The following RPL39L variants were observed in gnomAD, a reference collection of about 807,000 sequenced individuals.
The protein encoded by RPL39L is ribosomal protein L39 like.
For synonymous variants in RPL39L, 16 were observed against 20.1 expected (o/e 0.80, Z 0.55); for missense variants, 48 against 58.9 (o/e 0.81, Z 0.61).
intron 1 of RPL39L, among the ~76,000 whole-genome samples, chr3:187,133,342 A>C (rs781351615): frequency 2.0e-5 from 3 of 152,080 alleles, no homozygotes; most frequent in African/African-American, 7.2e-5. Flanking sequence ...GGGAGTTCTC[A>C]TGAGATCTGA....
chr3:187,129,529 C>T (rs1486811841), intron 1 of RPL39L, among the ~76,000 whole-genome samples: 3 of 152,196 alleles, frequency 2.0e-5, no homozygotes, highest in South Asian at 2.1e-4. Flanking sequence ...GCACATAATT[C>T]GTTCTACAAA....
rs923592130 is a variant in RPL39L, at chr3:187,138,390, T to C, written c.-93+823A>G. Among the ~76,000 whole-genome samples the C allele has an allele frequency of 2.0e-5, 3 of 152,210 alleles. No individual in the cohort carries two copies. The South Asian group carries it at 6.2e-4, about 31-fold the overall frequency. On this transcript the variant is annotated intron_variant, in intron 1 of 2. Transcript: ENST00000296277. ...CCTGGTCAGGGTTTATGTCTCTGGA[T>C]GAATCCAGATGTGTAAAAGGCAAGG...
intron 2 of RPL39L, among the ~76,000 whole-genome samples, 179 bp from the exon 3 acceptor site, chr3:187,121,507 GTCT>G (rs1720309598): frequency 6.6e-6 from 1 of 152,204 alleles, no homozygotes; most frequent in Non-Finnish European, 1.5e-5. Context: ...GGTCTGAGGA[GTCT>G]GATGGCTGTT....
chr3:187,121,152 C>T lies in RPL39L; in HGVS notation c.149G>A (p.Gly50Asp), dbSNP rs143143583. 108 of 1,613,568 alleles carry T rather than the reference C, an allele frequency of 6.7e-5. No homozygotes were observed. In the African/African-American group the frequency reaches 1.3e-3, roughly 19 times the overall value. Residue 50 changes from glycine (G) to aspartate (D), a missense_variant, in exon 3 of 3, where the codon GGT becomes GAT. Transcript: ENST00000296277. ...KRRHWRRTKL[G>D]L ...CATCTCATGTGCAATTCCTTATAGA[C>T]CCAGCTTGGTTCTTCTCCAATGCCT... is the stretch of plus-strand genomic sequence containing the variant.
chr3:187,138,979 A>T (rs1016150751), intron 1 of RPL39L, among the ~76,000 whole-genome samples: 4 of 152,158 alleles, frequency 2.6e-5, no homozygotes, highest in Non-Finnish European at 5.9e-5. Flanking sequence ...GAATCGCTTG[A>T]ATCCGGAGGC....
intron 2 of RPL39L, among the ~76,000 whole-genome samples, chr3:187,124,139 T>C (rs1720358649): frequency 6.6e-6 from 1 of 152,170 alleles, no homozygotes; most frequent in Non-Finnish European, 1.5e-5. Context: ...ACATCTCAGG[T>C]GATTCAGAGG....
intron 1 of RPL39L, among the ~76,000 whole-genome samples, chr3:187,135,670 C>T (rs1250162809): frequency 2.0e-5 from 3 of 152,168 alleles, no homozygotes; most frequent in African/African-American, 4.8e-5. Context: ...AAAACACACT[C>T]GTGGGTGAGG....
chr3:187,131,880 T>C (rs915623534), intron 1 of RPL39L, among the ~76,000 whole-genome samples: 4 of 152,220 alleles, frequency 2.6e-5, no homozygotes, highest in African/African-American at 4.8e-5. Flanking sequence ...AGTTTTAAGA[T>C]TTCTGTGTTG....
At chr3:187,136,247 T>C (rs1182332933) in intron 1 of RPL39L, among the ~76,000 whole-genome samples, 1 of 152,230 alleles carries the variant, frequency 6.6e-6, no homozygotes, top group African/African-American at 2.4e-5. Flanking sequence ...CTTTTTAAAG[T>C]GGTGTGACTG....
intron 1 of RPL39L, among the ~76,000 whole-genome samples, chr3:187,129,014 C>T (rs753383000): frequency 1.3e-5 from 2 of 152,168 alleles, no homozygotes; most frequent in Non-Finnish European, 2.9e-5. Flanking sequence ...TCCACTGTTG[C>T]AAAATGACCA....
chr3:187,137,053 A>C (rs1720591860), intron 1 of RPL39L, among the ~76,000 whole-genome samples: 1 of 151,930 alleles, frequency 6.6e-6, no homozygotes, highest in Admixed American at 6.6e-5. Context: ...AAAAAAATTT[A>C]AAAATTAGCT....
chr3:187,126,896 G>T (rs1720407349), intron 2 of RPL39L, among the ~76,000 whole-genome samples: 2 of 152,192 alleles, frequency 1.3e-5, no homozygotes, highest in African/African-American at 4.8e-5. Context: ...TCAGAGTGAA[G>T]GTGAACAAGA....
At chr3:187,121,604 C>T (rs1720310868) in intron 2 of RPL39L, among the ~76,000 whole-genome samples, 1 of 152,154 alleles carries the variant, frequency 6.6e-6, no homozygotes, top group Admixed American at 6.5e-5. Context: ...CAACATACTT[C>T]TGCTTCTCTT....
chr3:187,123,678 C>A (rs1364742850), intron 2 of RPL39L, among the ~76,000 whole-genome samples: 2 of 152,174 alleles, frequency 1.3e-5, no homozygotes, highest in Non-Finnish European at 2.9e-5. Flanking sequence ...CCTTGGGAAC[C>A]CTGGTTGTAC....
At chr3:187,138,209 T>C (rs918388964) in intron 1 of RPL39L, among the ~76,000 whole-genome samples, 2 of 151,916 alleles carry the variant, frequency 1.3e-5, no homozygotes, top group Non-Finnish European at 1.5e-5. Context: ...CCAGGCCCAG[T>C]GCAAAATGAA....
chr3:187,129,185 T>C (rs919625157), intron 1 of RPL39L, among the ~76,000 whole-genome samples: 1 of 152,200 alleles, frequency 6.6e-6, no homozygotes, highest in Non-Finnish European at 1.5e-5. Flanking sequence ...ACACTGCAAT[T>C]TCAAGATAAT....
chr3:187,121,064 G>T lies in RPL39L; in HGVS notation c.*81C>A, dbSNP rs969090287. 2 of 1,489,532 alleles carry T rather than the reference G, an allele frequency of 1.3e-6. No homozygotes were observed. The highest frequency in any genetic ancestry group is 4.5e-5 in the East Asian group (2 of 44,274). 92.3% of individuals were successfully genotyped at this position (1,489,532 alleles called of 1,614,324 possible). On this transcript the variant is annotated 3_prime_UTR_variant, in exon 3 of 3. Transcript: ENST00000296277. ...AACATGTGCAACTGTCCAGGTAGTGGTGACATTTTCAGCTTGATATCGTAA... is the reference window on the plus strand; with the variant it reads ...AACATGTGCAACTGTCCAGGTAGTGTTGACATTTTCAGCTTGATATCGTAA...
intron 1 of RPL39L, among the ~76,000 whole-genome samples, chr3:187,132,061 T>C (rs1033237889): frequency 5.3e-5 from 8 of 152,154 alleles, no homozygotes; most frequent in African/African-American, 1.9e-4. Context: ...GAGCATTTCC[T>C]TGAGGCTGCC....
intron 2 of RPL39L, among the ~76,000 whole-genome samples, chr3:187,121,943 C>A (rs935595222): frequency 1.3e-5 from 2 of 152,154 alleles, no homozygotes; most frequent in African/African-American, 4.8e-5. Flanking sequence ...TTTCCAGTGT[C>A]CTGCTATGGC....
Sources: allele counts gnomAD v4.1 joint callset (sites outside exome capture counted in the v4.1 genomes callset), GRCh38; gene constraint gnomAD v4.1.1; transcripts MANE v1.5; gene names NCBI Gene and HGNC (gene_info 2026-07-23, HGNC 2026-07-21).